Variants in TUBGCP5 observed in about 807,000 individuals in gnomAD.
The protein encoded by TUBGCP5 is gamma-tubulin complex component 5.
In TUBGCP5, 98 loss-of-function variants were observed where a neutral mutation model predicts 134.7. That is an observed-to-expected ratio of 0.73 (90% CI 0.62 to 0.86). The LOEUF (loss-of-function observed/expected upper bound fraction) is 0.86. TUBGCP5 is among the 40% of genes least tolerant of loss of function. The probability of loss-of-function intolerance (pLI) is 0.00; values close to 1 mark genes in which losing one functional copy is unlikely to be tolerated. For synonymous variants in TUBGCP5, 456 were observed against 431.4 expected, an observed-to-expected ratio of 1.06 and a Z score of -0.71; for missense variants, 1,150 against 1,244.8, an observed-to-expected ratio of 0.92 and a Z score of 1.15.
At chr15:23,012,004 G>A (rs896055688) in intron 13 of TUBGCP5, among the ~76,000 whole-genome samples, 2 of 151,340 alleles carry the variant, frequency 1.3e-5, no homozygotes, top group African/African-American at 4.8e-5. Flanking sequence ...AAGCTACTTG[G>A]GAGGCTGAGG....
downstream of TUBGCP5, among the ~76,000 whole-genome samples, chr15:22,994,966 G>A (rs556305615): frequency 1.3e-5 from 2 of 152,100 alleles, no homozygotes; most frequent in Admixed American, 6.6e-5. Context: ...AAATAAGGCC[G>A]GGGGCAGTGG....
chr15:23,037,019 AAAG>A lies in TUBGCP5; in HGVS notation c.201-17_201-15del, dbSNP rs1315375308. On this transcript the variant is annotated splice_polypyrimidine_tract_variant and intron_variant, in intron 2 of 22. Coordinates refer to ENST00000615383, the MANE Select transcript of TUBGCP5 (RefSeq NM_052903.6). The stretch of plus-strand genomic sequence containing the variant: ...TTTTCATAAATTCTAAAATATAAGA[AAAG>A]ATTATAAAGCTATCTTAAAAAGATC... 1.3e-6 allele frequency: 2 copies of A among 1,592,900 alleles called. No individual in the cohort carries two copies. The highest frequency in any genetic ancestry group is 2.7e-5 in the African/African-American group (2 of 73,776).
At chr15:23,027,957 C>T (rs1280566602) in intron 6 of TUBGCP5, among the ~76,000 whole-genome samples, 1 of 152,012 alleles carries the variant, frequency 6.6e-6, no homozygotes, top group Non-Finnish European at 1.5e-5. Context: ...AGGACTGGTG[C>T]TAAATTTTGA....
chr15:23,028,450 A>T (rs1047168503), intron 6 of TUBGCP5, among the ~76,000 whole-genome samples: 13 of 151,954 alleles, frequency 8.6e-5, no homozygotes, highest in Non-Finnish European at 1.9e-4. Context: ...AAATAACATG[A>T]TCAAGCAAGT....
At chr15:23,033,713 A>T (rs1595908601) in intron 3 of TUBGCP5, among the ~76,000 whole-genome samples, 1 of 152,350 alleles carries the variant, frequency 6.6e-6, no homozygotes, top group African/African-American at 2.4e-5. Context: ...AAATATACAT[A>T]CGCATAGAAT....
intron 23 of TUBGCP5, among the ~76,000 whole-genome samples, chr15:22,992,816 C>G (rs1377336518): frequency 6.6e-6 from 1 of 152,010 alleles, no homozygotes; most frequent in South Asian, 2.1e-4. Flanking sequence ...ATGGATAGGA[C>G]AGAATATACA....
chr15:23,014,550 T>C (rs1476748195), intron 13 of TUBGCP5, among the ~76,000 whole-genome samples: 1 of 152,088 alleles, frequency 6.6e-6, no homozygotes, highest in Non-Finnish European at 1.5e-5. Flanking sequence ...CCAAGCAGCC[T>C]TCCACCCACA....
intron 13 of TUBGCP5, among the ~76,000 whole-genome samples, chr15:23,016,969 G>GATATATATATATACATATATATATAT (rs2065362638): frequency 9.1e-6 from 1 of 109,396 alleles, no homozygotes; most frequent in Non-Finnish European, 1.9e-5. Context: ...AAAATTGTGA[G>GATATATATATATACATATATATATAT]ATATATATAT....
chr15:23,029,840 T>C (rs1443645927), intron 6 of TUBGCP5, among the ~76,000 whole-genome samples: 2 of 151,700 alleles, frequency 1.3e-5, no homozygotes, highest in African/African-American at 4.8e-5. Flanking sequence ...GAGATCATGC[T>C]ACTGTACCAT....
chr15:23,020,714 C>T (rs1449505372), intron 11 of TUBGCP5, among the ~76,000 whole-genome samples: 1 of 151,770 alleles, frequency 6.6e-6, no homozygotes, highest in Non-Finnish European at 1.5e-5. Flanking sequence ...TTCTAAATTA[C>T]AGCCTCTAGT....
chr15:22,993,528 T>TTTTTC (rs1245178724), intron 23 of TUBGCP5, among the ~76,000 whole-genome samples: 1,219 of 80,704 alleles, frequency 0.015, 38 homozygotes, highest in African/African-American at 0.07. Flanking sequence ...CCCCGAAGTT[T>TTTTTC]TTTTTTTTTT....
chr15:23,012,265 G>A (rs111426813), intron 13 of TUBGCP5, among the ~76,000 whole-genome samples: 3,072 of 152,066 alleles, frequency 0.02, 57 homozygotes, highest in Non-Finnish European at 0.028. Flanking sequence ...CACTACATAA[G>A]AAGGAAATAT....
chr15:23,016,865 A>G (rs1181740412), intron 13 of TUBGCP5, among the ~76,000 whole-genome samples: 2 of 151,390 alleles, frequency 1.3e-5, no homozygotes, highest in Non-Finnish European at 2.9e-5. Context: ...AGGATATCAA[A>G]GAGACATCCG....
intron 8 of TUBGCP5, among the ~76,000 whole-genome samples, chr15:23,025,521 T>C (rs1248204456): frequency 6.6e-6 from 1 of 152,180 alleles, no homozygotes; most frequent in Non-Finnish European, 1.5e-5. Flanking sequence ...CCCTCATTGA[T>C]ATACTCCACC....
At chr15:23,012,466 G>A (rs920631432) in intron 13 of TUBGCP5, among the ~76,000 whole-genome samples, 4 of 152,082 alleles carry the variant, frequency 2.6e-5, no homozygotes, top group Admixed American at 6.5e-5. Context: ...GAGTGCAGTG[G>A]CATGATCTCG....
chr15:23,019,952 C>G (rs2065573162), intron 11 of TUBGCP5, among the ~76,000 whole-genome samples: 1 of 151,936 alleles, frequency 6.6e-6, no homozygotes, highest in Non-Finnish European at 1.5e-5. Context: ...GTTTCCCTAT[C>G]TAAATCCTAT....
chr15:22,993,525 GTTTTTTTTTTTTTTTTT>G (rs71414252), intron 23 of TUBGCP5, among the ~76,000 whole-genome samples: 5 of 69,288 alleles, frequency 7.2e-5, no homozygotes, highest in Non-Finnish European at 1.1e-4. Flanking sequence ...AGCCCCCGAA[GTTTTTTTTTTTTTTTTT>G]TTTTTTTTTT....
chr15:23,011,125 T>C lies in TUBGCP5; in HGVS notation c.1955+8A>G. The C allele has an allele frequency of 6.2e-7, 1 of 1,612,120 alleles. No individual in the cohort carries two copies. The highest frequency in any genetic ancestry group is 8.5e-7 in the Non-Finnish European group (1 of 1,178,600). ...TCAATTACTGATAACCTTGCAGGTG[T>C]GTCTCACCTTGCAAAGTTAATGGCA... On this transcript the variant is annotated splice_region_variant and intron_variant, in intron 14 of 22. Transcript: ENST00000615383.
chr15:23,008,070 T>A (rs1469442400), intron 16 of TUBGCP5, among the ~76,000 whole-genome samples: 1 of 152,100 alleles, frequency 6.6e-6, no homozygotes, highest in Non-Finnish European at 1.5e-5. Flanking sequence ...TGGTGGCAAC[T>A]TTTTTCTTTT....
Sources: allele counts gnomAD v4.1 joint callset (sites outside exome capture counted in the v4.1 genomes callset), GRCh38; gene constraint gnomAD v4.1.1; transcripts MANE v1.5; gene names NCBI Gene and HGNC (gene_info 2026-07-23, HGNC 2026-07-21).